The following LRFN5 variants were observed in gnomAD, a reference collection of about 807,000 sequenced individuals.
LRFN5 encodes leucine-rich repeat and fibronectin type-III domain-containing protein 5.
In LRFN5, 24 loss-of-function variants were observed where a neutral mutation model predicts 45.6. The observed-to-expected ratio is 0.53, with a 90% CI of 0.38 to 0.74. LRFN5 has a LOEUF of 0.74. LRFN5 is among the 30% of genes least tolerant of loss of function. The pLI is 0.00. For missense variants in LRFN5, 776 were observed against 861.5 expected (o/e 0.90, Z 1.24); for synonymous variants, 340 against 313.8 (o/e 1.08, Z -0.88).
At chr14:41,880,362 G>T (rs1890339606) in intron 2 of LRFN5, among the ~76,000 whole-genome samples, 1 of 150,604 alleles carries the variant, frequency 6.6e-6, no homozygotes, top group African/African-American at 2.4e-5. Flanking sequence ...TTATTTTCTA[G>T]CTTCTTAGGT....
intron 2 of LRFN5, among the ~76,000 whole-genome samples, chr14:41,836,573 G>A (rs1406599147): frequency 1.3e-5 from 2 of 152,076 alleles, no homozygotes; most frequent in Non-Finnish European, 2.9e-5. Context: ...GGGGAGTGGG[G>A]CCCAAAGCTG....
intron 5 of LRFN5, among the ~76,000 whole-genome samples, chr14:41,901,124 TAATAC>T (rs1891089151): frequency 2.0e-5 from 3 of 152,040 alleles, no homozygotes; most frequent in Middle Eastern, 6.8e-3. Flanking sequence ...ATCTAATATA[TAATAC>T]AATTCTTTTA....
chr14:41,741,896 C>G (rs963574497), intron 1 of LRFN5, among the ~76,000 whole-genome samples: 6 of 150,566 alleles, frequency 4.0e-5, no homozygotes, highest in Non-Finnish European at 8.8e-5. Flanking sequence ...ATGTGAATGA[C>G]CAACAGATAT....
At chr14:41,701,817 G>A (rs1022522122) in intron 1 of LRFN5, among the ~76,000 whole-genome samples, 1 of 152,146 alleles carries the variant, frequency 6.6e-6, no homozygotes, top group Non-Finnish European at 1.5e-5. Context: ...TACTTTGAAA[G>A]TTGTGACCTT....
intron 2 of LRFN5, among the ~76,000 whole-genome samples, chr14:41,798,169 A>G (rs928590436): frequency 6.6e-6 from 1 of 151,866 alleles, no homozygotes; most frequent in Non-Finnish European, 1.5e-5. Flanking sequence ...GGTGCATAGG[A>G]TTTCTTATCA....
intron 1 of LRFN5, among the ~76,000 whole-genome samples, chr14:41,738,874 A>C (rs1214674217): frequency 6.6e-6 from 1 of 152,220 alleles, no homozygotes; most frequent in Non-Finnish European, 1.5e-5. Context: ...AGGCAAGGGA[A>C]ATTTTCTGAA....
intron 1 of LRFN5, among the ~76,000 whole-genome samples, chr14:41,654,799 G>A (rs1360564523): frequency 6.6e-6 from 1 of 152,010 alleles, no homozygotes; most frequent in Non-Finnish European, 1.5e-5. Flanking sequence ...AACCAGGGAG[G>A]GTTGGACCTT....
intron 1 of LRFN5, among the ~76,000 whole-genome samples, chr14:41,727,899 G>A (rs1251215209): frequency 6.6e-6 from 1 of 152,062 alleles, no homozygotes; most frequent in Non-Finnish European, 1.5e-5. Context: ...CATGAAGGTG[G>A]GGTGGTAGAG....
In LRFN5 at chr14:41,671,617, G is replaced by GTT. The variant is rs914212982; in HGVS notation, c.-197+63074_-197+63075dup. Among the ~76,000 whole-genome samples, 73 of 78,006 alleles carry GTT rather than the reference G, an allele frequency of 9.4e-4. 2 individuals carry two copies. The highest frequency in any genetic ancestry group is 1.1e-3 in the Non-Finnish European group (50 of 43,592). The allele number at this position is 78,006 out of a possible 152,430, so 51.2% of individuals were successfully genotyped here. Reference sequence around the variant, plus strand: ...TGTGGAGGAGAGATTTTTTTTTTTCGTTTTTTTTTTTTTTTTTTTTACGGA... The same window carrying GTT: ...TGTGGAGGAGAGATTTTTTTTTTTCGTTTTTTTTTTTTTTTTTTTTTTACGGA... On this transcript the variant is annotated intron_variant, in intron 1 of 5. Coordinates refer to ENST00000298119, the MANE Select transcript of LRFN5 (RefSeq NM_152447.5).
intron 2 of LRFN5, among the ~76,000 whole-genome samples, chr14:41,841,905 C>A (rs1382137980): frequency 6.6e-6 from 1 of 151,876 alleles, no homozygotes; most frequent in East Asian, 1.9e-4. Flanking sequence ...TTAAAAAATT[C>A]TCAAAACTCA....
intron 1 of LRFN5, among the ~76,000 whole-genome samples, chr14:41,646,576 G>A (rs1017576879): frequency 1.3e-5 from 2 of 152,152 alleles, no homozygotes; most frequent in African/African-American, 4.8e-5. Context: ...CTTTAGCCTT[G>A]AGAAGATAAT....
At chr14:41,868,271 T>C (rs1889905240) in intron 2 of LRFN5, among the ~76,000 whole-genome samples, 1 of 152,104 alleles carries the variant, frequency 6.6e-6, no homozygotes. Flanking sequence ...GATGACAAGG[T>C]TCTAAATATT....
At chr14:41,725,041 C>T (rs1366375655) in intron 1 of LRFN5, among the ~76,000 whole-genome samples, 1 of 152,064 alleles carries the variant, frequency 6.6e-6, no homozygotes, top group Non-Finnish European at 1.5e-5. Context: ...GATATTTTGC[C>T]TTGGGGCTAT....
intron 1 of LRFN5, among the ~76,000 whole-genome samples, chr14:41,656,046 T>C (rs908159511): frequency 1.3e-5 from 2 of 152,008 alleles, no homozygotes; most frequent in African/African-American, 4.8e-5. Flanking sequence ...TTAATGCCAT[T>C]TCCTTTCAGT....
intron 2 of LRFN5, among the ~76,000 whole-genome samples, chr14:41,818,392 A>G (rs1248271206): frequency 6.6e-6 from 1 of 152,096 alleles, no homozygotes; most frequent in Non-Finnish European, 1.5e-5. Context: ...ATGGGGGACT[A>G]AAATATCTCA....
intron 2 of LRFN5, among the ~76,000 whole-genome samples, chr14:41,795,781 T>TG (rs1322196692): frequency 1.3e-5 from 2 of 150,658 alleles, no homozygotes; most frequent in African/African-American, 4.9e-5. Flanking sequence ...TGTCGTAGGT[T>TG]GGGGGGAGGG....
chr14:41,652,837 C>A (rs1880194989), intron 1 of LRFN5, among the ~76,000 whole-genome samples: 1 of 151,678 alleles, frequency 6.6e-6, no homozygotes, highest in African/African-American at 2.4e-5. Context: ...ATTTTTTTTC[C>A]TTTTTAATAA....
intron 1 of LRFN5, among the ~76,000 whole-genome samples, chr14:41,722,456 T>C (rs1883759312): frequency 6.6e-6 from 1 of 152,168 alleles, no homozygotes; most frequent in Non-Finnish European, 1.5e-5. Context: ...TCCAGAATTC[T>C]TGTTCTGATT....
At chr14:41,684,940 A>G (rs965786302) in intron 1 of LRFN5, among the ~76,000 whole-genome samples, 1 of 152,220 alleles carries the variant, frequency 6.6e-6, no homozygotes, top group African/African-American at 2.4e-5. Flanking sequence ...TAAGAAGCCC[A>G]AAGGACTCTA....
Sources: gnomAD v4.1 joint callset for allele counts (sites outside exome capture counted in the v4.1 genomes callset) on GRCh38, gnomAD v4.1.1 for gene constraint, MANE v1.5 for transcripts, NCBI Gene and HGNC (gene_info 2026-07-23, HGNC 2026-07-21) for gene names.